The following SLC2A9 variants were observed in gnomAD, a reference collection of about 807,000 sequenced individuals.
SLC2A9 encodes solute carrier family 2 member 9.
In SLC2A9, 39 loss-of-function variants were observed where a neutral mutation model predicts 50.6. The ratio of observed to expected loss-of-function variants is 0.77; its 90% CI spans 0.60 to 1.01. The LOEUF (loss-of-function observed/expected upper bound fraction) is 1.01, where lower values mean the gene tolerates loss of function less well. SLC2A9 is among the 50% of genes least tolerant of loss of function. The pLI, the probability that SLC2A9 is intolerant of heterozygous loss-of-function variation, is 0.00. For synonymous variants in SLC2A9, 324 were observed against 276.9 expected (o/e 1.17, Z -1.69); for missense variants, 686 against 677.6 (o/e 1.01, Z -0.14).
rs181452327 is a variant in SLC2A9 at position 9,943,414 on chromosome 4, A to G, written c.682-1369T>C. ...GCCCTTTGAGGAACTGGCAAGGCCA[A>G]TGTCAGCTTTCCAGTTTCAGGAGGA... On this transcript the variant is annotated intron_variant, in intron 5 of 11. Transcript: ENST00000264784. Among the ~76,000 whole-genome samples, 337 of 152,304 alleles carry G rather than the reference A, an allele frequency of 2.2e-3. 1 individual carries two copies. Among genetic ancestry groups the G allele is most frequent in the Non-Finnish European group, 2.2e-3 (152 of 68,022 alleles).
chr4:9,875,264 A>T (rs1314410336), intron 10 of SLC2A9, among the ~76,000 whole-genome samples: 1 of 149,104 alleles, frequency 6.7e-6, no homozygotes, highest in Non-Finnish European at 1.5e-5. Flanking sequence ...CTGTGTCTTT[A>T]GAAATGGCCA....
intron 1 of SLC2A9, among the ~76,000 whole-genome samples, chr4:9,773,886 C>G (rs1011440335): frequency 9.9e-5 from 15 of 152,144 alleles, no homozygotes; most frequent in African/African-American, 3.6e-4. Context: ...CAGGGAAAGA[C>G]TGAAGGCTGT....
intron 1 of SLC2A9, among the ~76,000 whole-genome samples, chr4:10,028,641 C>A (rs898608430): frequency 6.6e-6 from 1 of 152,178 alleles, no homozygotes; most frequent in African/African-American, 2.4e-5. Flanking sequence ...AGTCATGGTG[C>A]CTTCTAGGAA....
At chr4:9,943,932 T>C (rs1407455633) in intron 5 of SLC2A9, among the ~76,000 whole-genome samples, 1 of 152,222 alleles carries the variant, frequency 6.6e-6, no homozygotes, top group Non-Finnish European at 1.5e-5. Context: ...GCAATACTGC[T>C]GCATGTTAAA....
rs111761009 is a variant in SLC2A9 at position 9,858,696 on chromosome 4, A to G, written c.1292-23688T>C. ...GTCCCACAGCTAGTAAGGCAGAGGC[A>G]GAGGTGGAATGATGGTTAATATTGA... On this transcript the variant is annotated intron_variant, in intron 10 of 11. Coordinates refer to ENST00000264784, the MANE Select transcript of SLC2A9 (RefSeq NM_020041.3). 5.6e-3 allele frequency among the ~76,000 whole-genome samples: 860 copies of G among 152,342 alleles called. 7 individuals carry two copies. Among genetic ancestry groups the G allele is most frequent in the African/African-American group, 0.019 (809 of 41,584 alleles).
chr4:10,019,136 C>G (rs1035180308), intron 1 of SLC2A9, 63 bp from the exon 2 acceptor site: 23 of 1,336,136 alleles, frequency 1.7e-5, no homozygotes, highest in Non-Finnish European at 2.1e-5. Context: ...CGAGGGAAGA[C>G]CTGGAACGTT....
intron 7 of SLC2A9, among the ~76,000 whole-genome samples, chr4:9,910,090 T>C (rs1480148356): frequency 6.6e-6 from 1 of 152,242 alleles, no homozygotes; most frequent in Admixed American, 6.5e-5. Flanking sequence ...GTTATGGGCA[T>C]ACCAAGAGAT....
At chr4:9,773,184 C>A (rs1009823858) in intron 1 of SLC2A9, among the ~76,000 whole-genome samples, 2 of 152,200 alleles carry the variant, frequency 1.3e-5, no homozygotes, top group Non-Finnish European at 2.9e-5. Context: ...GGCTCTAGGG[C>A]CACCATCAGG....
chr4:9,799,695 C>CG (rs1560128386), intron 3 of SLC2A9, among the ~76,000 whole-genome samples: 22 of 59,394 alleles, frequency 3.7e-4, no homozygotes, highest in Non-Finnish European at 6.9e-4. Flanking sequence ...CAATTGTACC[C>CG]CCCCCCCACC....
At chr4:9,996,653 T>A in intron 3 of SLC2A9, 128 bp downstream of exon 3, 1 of 1,163,940 alleles carries the variant, frequency 8.6e-7, no homozygotes, top group South Asian at 1.3e-5. Flanking sequence ...CCTTTCCCCT[T>A]TGGGCATTTG....
intron 2 of SLC2A9, among the ~76,000 whole-genome samples, chr4:10,013,429 G>A (rs1762097061): frequency 2.6e-5 from 4 of 152,238 alleles, no homozygotes; most frequent in Admixed American, 2.0e-4. Context: ...ACATCCAGGT[G>A]ACTGTGTTGA....
chr4:10,037,439 T>A (rs1167154007), intron 1 of SLC2A9, among the ~76,000 whole-genome samples: 1 of 152,210 alleles, frequency 6.6e-6, no homozygotes, highest in Non-Finnish European at 1.5e-5. Flanking sequence ...CCTGGCCTCC[T>A]CGACACAGTG....
intron 5 of SLC2A9, among the ~76,000 whole-genome samples, chr4:9,973,096 GA>G (rs1275148319): frequency 6.6e-6 from 1 of 152,120 alleles, no homozygotes; most frequent in African/African-American, 2.4e-5. Flanking sequence ...AGCACAATCA[GA>G]AATGATGAAG....
chr4:10,035,026 A>G (rs1196845434), intron 1 of SLC2A9: 1 of 152,228 alleles, frequency 6.6e-6, no homozygotes, highest in Non-Finnish European at 1.5e-5. Flanking sequence ...CAGCAAAAAC[A>G]CTACCAATCA....
At chr4:9,884,195 T>C (rs535324876) in intron 10 of SLC2A9, among the ~76,000 whole-genome samples, 1 of 152,230 alleles carries the variant, frequency 6.6e-6, no homozygotes, top group Non-Finnish European at 1.5e-5. Flanking sequence ...TGATACATGC[T>C]GTTAGTGACT....
chr4:9,975,200 G>C (rs990455449), intron 5 of SLC2A9, among the ~76,000 whole-genome samples: 4 of 151,952 alleles, frequency 2.6e-5, no homozygotes, highest in African/African-American at 9.7e-5. Flanking sequence ...CCTTGGGAAA[G>C]AAAATTGCAA....
chr4:9,786,034 C>T (rs1218867866), intron 3 of SLC2A9, among the ~76,000 whole-genome samples: 2 of 152,124 alleles, frequency 1.3e-5, no homozygotes, highest in African/African-American at 4.8e-5. Flanking sequence ...GAGGGAGTGG[C>T]AAGTGCAAAG....
chr4:9,819,423 T>C (rs1454133748), intron 3 of SLC2A9, among the ~76,000 whole-genome samples: 1 of 152,244 alleles, frequency 6.6e-6, no homozygotes, highest in African/African-American at 2.4e-5. Context: ...ATTTCCCAAA[T>C]AACTAATCAT....
chr4:10,015,616 C>T (rs1762490188), intron 2 of SLC2A9, among the ~76,000 whole-genome samples: 1 of 152,116 alleles, frequency 6.6e-6, no homozygotes, highest in African/African-American at 2.4e-5. Flanking sequence ...GTCATGGGGG[C>T]GGCCTCATGG....
Sources: gnomAD v4.1 joint callset for allele counts (sites outside exome capture counted in the v4.1 genomes callset) on GRCh38, gnomAD v4.1.1 for gene constraint, MANE v1.5 for transcripts, NCBI Gene and HGNC (gene_info 2026-07-23, HGNC 2026-07-21) for gene names.